NTM: variants seen among roughly 807,000 people sequenced by gnomAD.
NTM encodes the protein IgLON family member 2.
NTM carries 13 observed loss-of-function variants against 42.1 expected under a neutral mutation model. The observed-to-expected ratio is 0.31, with a 90% CI of 0.20 to 0.49. The LOEUF (loss-of-function observed/expected upper bound fraction) is 0.49. Ranked by LOEUF, NTM falls within the 20% of genes least tolerant of loss-of-function variation. NTM has a pLI of 0.99. For missense variants in NTM, 373 were observed against 452.8 expected, an observed-to-expected ratio of 0.82 and a Z score of 1.60; for synonymous variants, 187 against 179.2, an observed-to-expected ratio of 1.04 and a Z score of -0.35.
At chr11:131,776,404 T>C (rs1391129839) in intron 1 of NTM, among the ~76,000 whole-genome samples, 2 of 152,194 alleles carry the variant, frequency 1.3e-5, no homozygotes, top group Non-Finnish European at 2.9e-5. Flanking sequence ...TCTGGCTCTT[T>C]CCTGCTACTT....
chr11:132,174,761 G>A (rs2076559775), intron 3 of NTM, among the ~76,000 whole-genome samples: 2 of 152,064 alleles, frequency 1.3e-5, no homozygotes, highest in Admixed American at 1.3e-4. Flanking sequence ...GGTTGCTGGA[G>A]TCGTGCATTT....
intron 1 of NTM, among the ~76,000 whole-genome samples, chr11:131,538,806 G>A (rs1361781357): frequency 6.6e-6 from 1 of 152,110 alleles, no homozygotes; most frequent in Non-Finnish European, 1.5e-5. Context: ...CTATTGTACA[G>A]CATGGGGACT....
chr11:132,248,351 C>T (rs1354106846), intron 4 of NTM, among the ~76,000 whole-genome samples: 1 of 152,058 alleles, frequency 6.6e-6, no homozygotes, highest in Non-Finnish European at 1.5e-5. Context: ...TTTTTATCCT[C>T]CTACACTATA....
chr11:132,242,808 C>T (rs573085464), intron 4 of NTM, among the ~76,000 whole-genome samples: 9 of 152,328 alleles, frequency 5.9e-5, no homozygotes, highest in East Asian at 5.8e-4. Flanking sequence ...CTTGGAAACG[C>T]GTCCCCATTC....
At chr11:131,427,117 A>G (rs1001206062) in intron 1 of NTM, among the ~76,000 whole-genome samples, 5 of 152,070 alleles carry the variant, frequency 3.3e-5, no homozygotes, top group South Asian at 2.1e-4. Flanking sequence ...AGTGAAAGGT[A>G]GCAGCAGTCT....
At chr11:131,722,334 T>G (rs143588454) in intron 1 of NTM, among the ~76,000 whole-genome samples, 64 of 152,210 alleles carry the variant, frequency 4.2e-4, no homozygotes, top group Non-Finnish European at 8.8e-4. Context: ...TCAGTAAGAG[T>G]GAACTATTTG....
chr11:132,174,087 A>T (rs2076466119), intron 3 of NTM, among the ~76,000 whole-genome samples: 1 of 152,152 alleles, frequency 6.6e-6, no homozygotes, highest in Non-Finnish European at 1.5e-5. Flanking sequence ...GTGGAAAAAG[A>T]GCTTAACTGA....
chr11:132,268,119 G>A (rs2093301544), intron 4 of NTM, among the ~76,000 whole-genome samples: 1 of 152,108 alleles, frequency 6.6e-6, no homozygotes. Flanking sequence ...TTTACTGAAT[G>A]CTTAAATGTG....
At chr11:131,902,602 T>G (rs2053331394) in intron 1 of NTM, among the ~76,000 whole-genome samples, 1 of 152,226 alleles carries the variant, frequency 6.6e-6, no homozygotes, top group East Asian at 1.9e-4. Context: ...TAGGTGTTTG[T>G]TTGAAATCCA....
chr11:131,527,593 T>A (rs754930583), intron 1 of NTM, among the ~76,000 whole-genome samples: 28 of 152,238 alleles, frequency 1.8e-4, no homozygotes, highest in Non-Finnish European at 3.2e-4. Flanking sequence ...TTATTGAATT[T>A]GCTTCCCAAG....
chr11:131,422,180 G>GT (rs1244344263), intron 1 of NTM, among the ~76,000 whole-genome samples: 4 of 150,234 alleles, frequency 2.7e-5, no homozygotes, highest in Admixed American at 6.6e-5. Context: ...CTGATAGGCT[G>GT]TTGCAGGGAT....
At chr11:131,661,221 G>A (rs2068013914) in intron 1 of NTM, 4 of 346,972 alleles carry the variant, frequency 1.2e-5, no homozygotes, top group Non-Finnish European at 1.7e-5. Flanking sequence ...ACAATGGCCA[G>A]CACTTTTGCT....
At chr11:131,661,971 A>G (rs1051539561) in intron 1 of NTM, among the ~76,000 whole-genome samples, 16 of 152,328 alleles carry the variant, frequency 1.1e-4, no homozygotes, top group African/African-American at 3.8e-4. Flanking sequence ...AAGGAGATTA[A>G]CAGAATGAAG....
intron 1 of NTM, among the ~76,000 whole-genome samples, chr11:131,803,073 T>C (rs1198036248): frequency 1.3e-5 from 2 of 152,208 alleles, no homozygotes; most frequent in African/African-American, 4.8e-5. Context: ...TTCACAGAGC[T>C]GTGAGGTAGC....
intron 1 of NTM, among the ~76,000 whole-genome samples, chr11:131,815,746 G>A (rs1378171647): frequency 6.6e-6 from 1 of 152,156 alleles, no homozygotes; most frequent in Non-Finnish European, 1.5e-5. Flanking sequence ...CCAGAGGCAG[G>A]TTGAGTAAGC....
intron 2 of NTM, among the ~76,000 whole-genome samples, chr11:131,915,291 A>T (rs746051166): frequency 6.6e-6 from 1 of 152,100 alleles, no homozygotes; most frequent in Non-Finnish European, 1.5e-5. Context: ...TGTTCCTCTC[A>T]TTCCTCTGTG....
At chr11:131,935,268 T>C (rs1367942608) in intron 2 of NTM, among the ~76,000 whole-genome samples, 1 of 152,208 alleles carries the variant, frequency 6.6e-6, no homozygotes, top group Admixed American at 6.5e-5. Flanking sequence ...TGAGAAGTAC[T>C]CAGAGATTTC....
At chr11:131,444,669 G>A (rs1041229287) in intron 1 of NTM, among the ~76,000 whole-genome samples, 7 of 152,190 alleles carry the variant, frequency 4.6e-5, no homozygotes, top group African/African-American at 1.7e-4. Context: ...CTTAAGAAGT[G>A]TGGTTGTGGG....
At chr11:132,305,051 T>G (rs1465283917) in intron 4 of NTM, among the ~76,000 whole-genome samples, 1 of 152,218 alleles carries the variant, frequency 6.6e-6, no homozygotes, top group African/African-American at 2.4e-5. Context: ...TAAATTAATG[T>G]GGCACCCATG....
Sources: gnomAD v4.1 joint callset for allele counts (sites outside exome capture counted in the v4.1 genomes callset) on GRCh38, gnomAD v4.1.1 for gene constraint, MANE v1.5 for transcripts, NCBI Gene and HGNC (gene_info 2026-07-23, HGNC 2026-07-21) for gene names.